Variants in MYH15 observed in about 807,000 individuals in gnomAD.
The protein encoded by MYH15 is myosin-15.
MYH15 carries 227 observed loss-of-function variants against 240.5 expected under a neutral mutation model. That is an observed-to-expected ratio of 0.94 (90% CI 0.85 to 1.05). The LOEUF is 1.05. Among genes scored for constraint, MYH15 ranks in the 50% least tolerant of loss-of-function variants. The pLI, the probability that MYH15 is intolerant of heterozygous loss-of-function variation, is 0.00. For synonymous variants in MYH15, 785 were observed against 796.7 expected (o/e 0.99, Z 0.25); for missense variants, 2,217 against 2,247.5 (o/e 0.99, Z 0.27).
chr3:108,410,447 A>G (rs765818964), intron 31 of MYH15, 136 bp downstream of exon 31: 1 of 529,530 alleles, frequency 1.9e-6, no homozygotes, highest in Non-Finnish European at 3.1e-6. Context: ...AAAAAAAATA[A>G]GTCAAACAGA....
chr3:108,537,980 CTT>C, the MYH15 span, among the ~76,000 whole-genome samples: 4 of 152,180 alleles, frequency 2.6e-5, no homozygotes, highest in African/African-American at 9.7e-5. Context: ...TTGGCAAACA[CTT>C]CAGTTGGTCA....
intron 1 of MYH15, among the ~76,000 whole-genome samples, chr3:108,523,193 G>A (rs1289018887): frequency 2.0e-5 from 3 of 151,926 alleles, no homozygotes; most frequent in South Asian, 2.1e-4. Flanking sequence ...CATAATAAAA[G>A]TTCCAAATTG....
In MYH15 at chr3:108,441,173, A is replaced by T; in HGVS notation, c.2743T>A (p.Ser915Thr). Residue 915 changes from serine (S) to threonine (T), a missense_variant, in exon 23 of 41, where the codon TCG becomes ACG. Coordinates refer to ENST00000693548, the MANE Select transcript of MYH15 (RefSeq NM_014981.3). ...IQLEARVKEL[S>T]ERVEEEEEIN... ...TCCTCTTCTTCCTCCACCCTCTCCG[A>T]CAGCTCCTTTACTCTGGCCTCCAGC... The T allele has an allele frequency of 6.2e-6, 10 of 1,614,042 alleles. 1 individual carries two copies. The highest frequency in any genetic ancestry group is 7.6e-6 in the Non-Finnish European group (9 of 1,179,982).
intron 6 of MYH15, among the ~76,000 whole-genome samples, chr3:108,496,944 G>T (rs998595732): frequency 2.0e-5 from 3 of 151,590 alleles, no homozygotes; most frequent in Non-Finnish European, 4.4e-5. Flanking sequence ...GGAGGATCAC[G>T]AGGTCAGGAG....
At chr3:108,424,116 C>A (rs114427309) in intron 27 of MYH15, among the ~76,000 whole-genome samples, 201 of 152,282 alleles carry the variant, frequency 1.3e-3, no homozygotes, top group African/African-American at 4.6e-3. Context: ...CTCTACAAGA[C>A]AACTTAGTCA....
At chr3:108,511,102 A>G (rs990768811), upstream of MYH15, among the ~76,000 whole-genome samples, 5 of 152,116 alleles carry the variant, frequency 3.3e-5, no homozygotes. Flanking sequence ...AGTTGCGGAC[A>G]CTAGGCCTTT....
the MYH15 span, among the ~76,000 whole-genome samples, chr3:108,542,497 T>G: frequency 6.6e-6 from 1 of 152,344 alleles, no homozygotes; most frequent in Non-Finnish European, 1.5e-5. Flanking sequence ...TGGCTTTTCA[T>G]TTAGCAATAT....
intron 14 of MYH15, among the ~76,000 whole-genome samples, chr3:108,466,019 G>C (rs2083113853): frequency 6.6e-6 from 1 of 152,190 alleles, no homozygotes. Flanking sequence ...GTTTCTGTCA[G>C]ACCCTTGCCA....
In MYH15 at chr3:108,455,808, G is replaced by A. The variant is rs2083014541; in HGVS notation, c.2190C>T (p.Ser730=). The change falls in exon 20 of 41, where the codon AGC becomes AGT. Residue 730 remains serine (S), a synonymous_variant. Transcript: ENST00000693548. Reference sequence around the variant, plus strand: ...CAAGTAATTCTTCAGCTGCTTTTCTGCTGCTCACAAACTTGCTCTTTGGAA... The same window carrying A: ...CAAGTAATTCTTCAGCTGCTTTTCTACTGCTCACAAACTTGCTCTTTGGAA... ...RTFPKSKFVS[S]RKAAEELLGS... 6.2e-7 allele frequency: 1 copy of A among 1,613,100 alleles called. No individual in the cohort carries two copies.
the MYH15 span, among the ~76,000 whole-genome samples, chr3:108,535,846 G>A: frequency 6.6e-6 from 1 of 152,118 alleles, no homozygotes; most frequent in Non-Finnish European, 1.5e-5. Flanking sequence ...ATCCAACTCT[G>A]GCATGAGTAT....
intron 37 of MYH15, among the ~76,000 whole-genome samples, chr3:108,389,729 G>C (rs937153198): frequency 1.3e-5 from 2 of 152,220 alleles, no homozygotes; most frequent in African/African-American, 4.8e-5. Flanking sequence ...TATGTTGATG[G>C]AGATAAGTGC....
Position 108,495,942 on chromosome 3 carries a change from C to T in MYH15, c.619-70G>A, listed in dbSNP as rs562348537. 212 of 1,191,866 alleles carry T rather than the reference C, an allele frequency of 1.8e-4. No homozygotes were observed. In the African/African-American group the frequency reaches 2.9e-3, roughly 16 times the overall value. The allele number at this position is 1,191,866 out of a possible 1,614,324, so 73.8% of individuals were successfully genotyped here. ...GAATTCTGTAATGCGGCAAGCCCTC[C>T]ATCTCCAGGTCAAACCCCATTCTTG... On this transcript the variant is annotated intron_variant, in intron 6 of 40. Transcript: ENST00000693548.
At chr3:108,478,226 T>C (rs997184366) in intron 11 of MYH15, among the ~76,000 whole-genome samples, 1 of 152,156 alleles carries the variant, frequency 6.6e-6, no homozygotes, top group Admixed American at 6.6e-5. Context: ...CTTTAAAATG[T>C]TTACAAGGCT....
chr3:108,406,393 T>C (rs1446357285), intron 32 of MYH15, among the ~76,000 whole-genome samples: 1 of 152,170 alleles, frequency 6.6e-6, no homozygotes, highest in Non-Finnish European at 1.5e-5. Context: ...AAAAAGATGA[T>C]GGGAATTTTA....
chr3:108,388,611 C>T (rs1308501342), intron 38 of MYH15, among the ~76,000 whole-genome samples: 3 of 152,124 alleles, frequency 2.0e-5, no homozygotes, highest in African/African-American at 4.8e-5. Flanking sequence ...GTAGCCACCC[C>T]GAGCCTCTGC....
At chr3:108,457,347 T>C (rs2083031887) in intron 18 of MYH15, among the ~76,000 whole-genome samples, 1 of 152,138 alleles carries the variant, frequency 6.6e-6, no homozygotes, top group Non-Finnish European at 1.5e-5. Flanking sequence ...AACCACAACA[T>C]TCTGTTTACA....
intron 1 of MYH15, among the ~76,000 whole-genome samples, chr3:108,515,674 G>T (rs1476746808): frequency 3.9e-5 from 6 of 152,130 alleles, no homozygotes; most frequent in African/African-American, 1.2e-4. Flanking sequence ...TCAGCACATT[G>T]TCTGGTGCAT....
At chr3:108,439,936 T>A in intron 23 of MYH15, 23 bp from the exon 24 acceptor site, 1 of 1,532,700 alleles carries the variant, frequency 6.5e-7, no homozygotes, top group Non-Finnish European at 8.8e-7. Flanking sequence ...GATGACAGCT[T>A]CATTAAAGCC....
intron 28 of MYH15, 88 bp downstream of exon 28, chr3:108,421,000 T>C: frequency 6.4e-7 from 1 of 1,565,296 alleles, no homozygotes; most frequent in Non-Finnish European, 8.7e-7. Context: ...CCACTCAGCC[T>C]CAGTGGGTAG....
Sources: gnomAD v4.1 joint callset for allele counts (sites outside exome capture counted in the v4.1 genomes callset) on GRCh38, gnomAD v4.1.1 for gene constraint, MANE v1.5 for transcripts, NCBI Gene and HGNC (gene_info 2026-07-23, HGNC 2026-07-21) for gene names.